Variants in CCSER1 observed in about 807,000 individuals in gnomAD.
CCSER1 encodes serine-rich coiled-coil domain-containing protein 1.
Under a neutral mutation model 82.0 loss-of-function variants are expected in CCSER1, and 41 were observed. The ratio of observed to expected loss-of-function variants is 0.50; its 90% confidence interval spans 0.39 to 0.65. The LOEUF is 0.65. Ranked by LOEUF, CCSER1 falls within the 30% of genes least tolerant of loss-of-function variation. CCSER1 has a pLI of 0.00. For missense variants in CCSER1, 1,119 were observed against 1,064.2 expected (o/e 1.05, Z -0.72); for synonymous variants, 414 against 383.9 (o/e 1.08, Z -0.92).
rs1481255763 is a variant in CCSER1, at chr4:90,400,039, G to A, written c.1513G>A (p.Val505Ile). The stretch of plus-strand genomic sequence containing the variant: ...GTTGGTTTTGATTTTTCTTCAGGAT[G>A]TTTTGAATAATTTGGGATCTTGTGA... ...SSSSKMNSLD[V>I]LNNLGSCELD... The change falls in exon 4 of 11, where the codon GTT becomes ATT. Residue 505 changes from valine (V) to isoleucine (I), a missense_variant. Transcript: ENST00000509176. The A allele has an allele frequency of 5.7e-6, 9 of 1,590,228 alleles. No individual in the cohort carries two copies. The highest frequency in any genetic ancestry group is 5.6e-5 in the South Asian group (5 of 89,744).
Position 90,271,862 on chromosome 4 carries a change from ATTTTTTTTTTTTT to A in CCSER1, c.-41-36366_-41-36354del, listed in dbSNP as rs1176154331. 9.0e-3 allele frequency among the ~76,000 whole-genome samples: 196 copies of A among 21,718 alleles called. 6 individuals are homozygous for A. In the East Asian group the frequency reaches 0.11, roughly 12 times the overall value. The allele number at this position is 21,718 out of a possible 152,430, so 14.2% of individuals were successfully genotyped here. A position where few individuals can be genotyped will look rare whatever the true frequency, so the allele number is the denominator to read the frequency against. On this transcript the variant is annotated intron_variant, in intron 1 of 10. Coordinates refer to ENST00000509176, the MANE Select transcript of CCSER1 (RefSeq NM_001145065.2). ...TATATATATATATATATATATATAT[ATTTTTTTTTTTTT>A]TTTTTTTTTTTTTTTAAAAGGAGGT... is the stretch of plus-strand genomic sequence containing the variant.
chr4:91,293,925 C>T (rs1052463711), intron 10 of CCSER1, among the ~76,000 whole-genome samples: 2 of 151,946 alleles, frequency 1.3e-5, no homozygotes, highest in African/African-American at 4.8e-5. Context: ...GTTATGTACT[C>T]TGAAAGCTTT....
intron 10 of CCSER1, among the ~76,000 whole-genome samples, chr4:91,201,282 G>T (rs2149067168): frequency 6.6e-6 from 1 of 152,160 alleles, no homozygotes; most frequent in East Asian, 1.9e-4. Flanking sequence ...GATCACAACT[G>T]AGTGAGAATA....
In CCSER1 at chr4:90,312,473, G is replaced by A. The variant is rs369731998; in HGVS notation, c.1325-390G>A. ...GGCTACTATGTGGAATGTAGATTGT[G>A]TTGCGGGTGGAGAGGCAGATGAGAG... On this transcript the variant is annotated intron_variant, in intron 2 of 10. Transcript: ENST00000509176. 6.6e-5 allele frequency among the ~76,000 whole-genome samples: 10 copies of A among 152,298 alleles called. No homozygotes were observed. In the East Asian group the frequency reaches 1.7e-3, roughly 26 times the overall value.
chr4:90,948,612 T>C (rs1732542053), intron 9 of CCSER1, among the ~76,000 whole-genome samples: 2 of 151,922 alleles, frequency 1.3e-5, no homozygotes, highest in South Asian at 2.1e-4. Context: ...TTCTCACTGT[T>C]TGGCAATAAT....
intron 1 of CCSER1, among the ~76,000 whole-genome samples, chr4:90,136,518 T>G (rs1006053834): frequency 6.6e-6 from 1 of 152,218 alleles, no homozygotes; most frequent in Admixed American, 6.5e-5. Flanking sequence ...GAAGCAAATA[T>G]TATGAATCTG....
intron 10 of CCSER1, among the ~76,000 whole-genome samples, chr4:91,434,910 T>A (rs1163392312): frequency 6.6e-6 from 1 of 152,236 alleles, no homozygotes; most frequent in East Asian, 1.9e-4. Context: ...TATTCTTTAC[T>A]TTTTAGTTTG....
rs144042369 is a variant in CCSER1, at chr4:91,050,206, G to A, written c.2173-35744G>A. ...AGCACTTTGGGAGGCTGAGGTGGGC[G>A]GATCACCTGAGGTCAGGAGTTCGAA... On this transcript the variant is annotated intron_variant, in intron 9 of 10. Coordinates refer to ENST00000509176, the MANE Select transcript of CCSER1 (RefSeq NM_001145065.2). Among the ~76,000 whole-genome samples, 1,365 of 152,206 alleles carry A rather than the reference G, an allele frequency of 9.0e-3. 18 individuals carry two copies. Among genetic ancestry groups the A allele is most frequent in the African/African-American group, 0.031 (1,290 of 41,530 alleles).
intron 8 of CCSER1, among the ~76,000 whole-genome samples, chr4:90,871,092 A>C (rs1279871520): frequency 6.8e-6 from 1 of 146,930 alleles, no homozygotes; most frequent in Non-Finnish European, 1.5e-5. Context: ...TAGACTTTTT[A>C]AAGGTTCATC....
At chr4:90,903,386 C>G (rs1410962441) in intron 8 of CCSER1, among the ~76,000 whole-genome samples, 2 of 152,056 alleles carry the variant, frequency 1.3e-5, no homozygotes, top group Non-Finnish European at 2.9e-5. Context: ...CACCTCCTGC[C>G]ATGATTCTGA....
chr4:90,244,490 A>C (rs1183528679), intron 1 of CCSER1, among the ~76,000 whole-genome samples: 1 of 152,210 alleles, frequency 6.6e-6, no homozygotes, highest in East Asian at 1.9e-4. Context: ...TGCCATAAAA[A>C]AATACCTGAG....
At chr4:90,830,245 A>G (rs1760967467) in intron 8 of CCSER1, among the ~76,000 whole-genome samples, 1 of 152,120 alleles carries the variant, frequency 6.6e-6, no homozygotes, top group African/African-American at 2.4e-5. Flanking sequence ...ATGCTATGCC[A>G]TTTACTTGTG....
intron 10 of CCSER1, among the ~76,000 whole-genome samples, chr4:91,504,509 G>C (rs760864986): frequency 3.3e-5 from 5 of 152,044 alleles, no homozygotes; most frequent in Non-Finnish European, 7.4e-5. Context: ...ATAAGAAACA[G>C]AAAGCACTTG....
At chr4:91,357,320 T>C (rs973729665) in intron 10 of CCSER1, among the ~76,000 whole-genome samples, 2 of 152,214 alleles carry the variant, frequency 1.3e-5, no homozygotes, top group African/African-American at 4.8e-5. Flanking sequence ...TATCCAATTT[T>C]TCATGTTTGA....
chr4:91,115,101 AT>A lies in CCSER1; in HGVS notation c.2217+29108del, dbSNP rs1392322596. On this transcript the variant is annotated intron_variant, in intron 10 of 10. Coordinates refer to ENST00000509176, the MANE Select transcript of CCSER1 (RefSeq NM_001145065.2). ...TTCTAATATTAAATATGTATAAATAATAGCATAATGTCAAAGTTGAAGGGCC... is the reference window on the plus strand; with the variant it reads ...TTCTAATATTAAATATGTATAAATAAAGCATAATGTCAAAGTTGAAGGGCC... Among the ~76,000 whole-genome samples, 15 of 152,344 alleles carry A rather than the reference AT, an allele frequency of 9.8e-5. No individual in the cohort carries two copies. In the South Asian group the frequency reaches 2.9e-3, roughly 29 times the overall value.
chr4:91,021,539 G>A (rs1275739999), intron 9 of CCSER1, among the ~76,000 whole-genome samples: 1 of 152,086 alleles, frequency 6.6e-6, no homozygotes, highest in Non-Finnish European at 1.5e-5. Context: ...AACAAGATGA[G>A]TCAAAGTATA....
In CCSER1 at chr4:90,700,161, C is replaced by T. The variant is rs143511964; in HGVS notation, c.1933-23753C>T. Among the ~76,000 whole-genome samples the T allele has an allele frequency of 3.3e-3, 504 of 152,110 alleles. 1 individual carries two copies. Among genetic ancestry groups the T allele is most frequent in the African/African-American group, 6.6e-3 (272 of 41,490 alleles). ...ACTCCCCTCACCCCACAACAGGCCC[C>T]GGTGTGTAATGTTCCCCTTCCTGTG... On this transcript the variant is annotated intron_variant, in intron 6 of 10. Transcript: ENST00000509176.
intron 5 of CCSER1, among the ~76,000 whole-genome samples, chr4:90,613,729 G>C (rs971187389): frequency 1.3e-5 from 2 of 152,110 alleles, no homozygotes; most frequent in Non-Finnish European, 1.5e-5. Flanking sequence ...GGAGTTTCTC[G>C]AAGGAACATA....
In CCSER1 at chr4:91,162,046, T is replaced by C. The variant is rs189403069; in HGVS notation, c.2217+76052T>C. On this transcript the variant is annotated intron_variant, in intron 10 of 10. Coordinates refer to ENST00000509176, the MANE Select transcript of CCSER1 (RefSeq NM_001145065.2). ...AGGGAATGCTTGCAGTTTTTGCCCA[T>C]TCAGTATGTTATTGGCTGTGGGTTT... Among the ~76,000 whole-genome samples, 738 of 152,318 alleles carry C rather than the reference T, an allele frequency of 4.8e-3. 7 individuals carry two copies. Among genetic ancestry groups the C allele is most frequent in the African/African-American group, 0.017 (703 of 41,578 alleles).
Sources: allele counts gnomAD v4.1 joint callset (sites outside exome capture counted in the v4.1 genomes callset), GRCh38; gene constraint gnomAD v4.1.1; transcripts MANE v1.5; gene names NCBI Gene and HGNC (gene_info 2026-07-23, HGNC 2026-07-21).